Variants in CENPK observed in about 807,000 individuals in gnomAD.
CENPK encodes the protein SoxLZ/Sox6-binding protein Solt.
CENPK carries 46 observed loss-of-function variants against 40.9 expected under a neutral mutation model. The observed-to-expected ratio is 1.13, with a 90% CI of 0.89 to 1.44. CENPK has a LOEUF of 1.44. Among genes scored for constraint, CENPK ranks in the 40% most tolerant of loss-of-function variants. The pLI, the probability that CENPK is intolerant of heterozygous loss-of-function variation, is 0.00. For missense variants in CENPK, 288 were observed against 303.5 expected, an observed-to-expected ratio of 0.95 and a Z score of 0.38; for synonymous variants, 107 against 104.4, an observed-to-expected ratio of 1.02 and a Z score of -0.15.
chr5:65,558,155 C>G (rs780115428), intron 2 of CENPK, among the ~76,000 whole-genome samples: 2 of 151,976 alleles, frequency 1.3e-5, no homozygotes, highest in African/African-American at 2.4e-5. Context: ...AAAGAAAACA[C>G]ACACACACAC....
intron 2 of CENPK, among the ~76,000 whole-genome samples, chr5:65,556,326 T>C (rs1423613622): frequency 6.6e-6 from 1 of 152,048 alleles, no homozygotes; most frequent in South Asian, 2.1e-4. Flanking sequence ...ATTTTAAAAA[T>C]TAGCTGGGTG....
chr5:65,543,495 T>C (rs1186451554), intron 5 of CENPK, among the ~76,000 whole-genome samples: 5 of 152,210 alleles, frequency 3.3e-5, no homozygotes, highest in Admixed American at 6.5e-5. Flanking sequence ...TTTATCATCA[T>C]TGGTTTTACA....
the CENPK span, among the ~76,000 whole-genome samples, chr5:65,508,004 CAAT>C: frequency 2.0e-5 from 3 of 152,254 alleles, no homozygotes; most frequent in East Asian, 5.8e-4. Flanking sequence ...ACTACAGAAA[CAAT>C]GTTGTGTCTT....
intron 6 of CENPK, among the ~76,000 whole-genome samples, chr5:65,540,682 T>A (rs1165944309): frequency 6.6e-6 from 1 of 152,152 alleles, no homozygotes; most frequent in Admixed American, 6.6e-5. Flanking sequence ...TTTGGGGAGC[T>A]TCTAGATAGC....
At chr5:65,541,712 G>A (rs1320840456) in intron 6 of CENPK, among the ~76,000 whole-genome samples, 2 of 152,064 alleles carry the variant, frequency 1.3e-5, no homozygotes, top group Non-Finnish European at 2.9e-5. Context: ...CACCAGAATC[G>A]CCTTTAAAGG....
the CENPK span, among the ~76,000 whole-genome samples, chr5:65,502,578 T>C: frequency 1.0e-2 from 1,517 of 152,254 alleles, 10 homozygotes; most frequent in Non-Finnish European, 0.017. Flanking sequence ...TCAGGATATT[T>C]ATTCTCTAAC....
chr5:65,527,946 G>T (rs915681066), intron 9 of CENPK, among the ~76,000 whole-genome samples: 1 of 152,104 alleles, frequency 6.6e-6, no homozygotes, highest in Non-Finnish European at 1.5e-5. Context: ...AATATACTCT[G>T]GCTGGGCGCA....
the CENPK span, among the ~76,000 whole-genome samples, chr5:65,507,819 AATT>A: frequency 2.0e-5 from 3 of 152,306 alleles, no homozygotes; most frequent in East Asian, 5.8e-4. Flanking sequence ...CCTTACAAGT[AATT>A]ATTAATTCTT....
chr5:65,497,031 T>C, the CENPK span, among the ~76,000 whole-genome samples: 16 of 152,042 alleles, frequency 1.1e-4, no homozygotes, highest in Non-Finnish European at 2.1e-4. Flanking sequence ...CACTCCAGCC[T>C]GGGCGACAAG....
At chr5:65,514,230 C>CTTTTTTTTTTTTTTT (rs1183025827), downstream of CENPK, among the ~76,000 whole-genome samples, 7 of 62,760 alleles carry the variant, frequency 1.1e-4, no homozygotes, top group South Asian at 8.0e-4. Context: ...CTCACATAAT[C>CTTTTTTTTTTTTTTT]TTTTTTTTTT....
the CENPK span, among the ~76,000 whole-genome samples, chr5:65,507,131 G>T: frequency 1.2e-4 from 18 of 152,100 alleles, no homozygotes; most frequent in African/African-American, 4.3e-4. Flanking sequence ...GCCAGATTTG[G>T]CCATGGCAAG....
chr5:65,528,738 G>A (rs1048951812), intron 8 of CENPK, among the ~76,000 whole-genome samples, 160 bp from the exon 9 acceptor site: 1 of 152,062 alleles, frequency 6.6e-6, no homozygotes, highest in Non-Finnish European at 1.5e-5. Flanking sequence ...ATAACAAGTA[G>A]AGAAACCAAA....
chr5:65,513,375 C>T (rs983399777), downstream of CENPK, among the ~76,000 whole-genome samples: 2 of 152,052 alleles, frequency 1.3e-5, no homozygotes, highest in African/African-American at 2.4e-5. Flanking sequence ...TCAATGAATC[C>T]GTAAAGTTAG....
intron 8 of CENPK, 39 bp downstream of exon 8, chr5:65,528,879 AC>A (rs754480190): frequency 3.7e-5 from 46 of 1,232,922 alleles, no homozygotes; most frequent in Middle Eastern, 4.5e-4. Flanking sequence ...AAAATAAAAT[AC>A]TTTTCCTATT....
In CENPK at chr5:65,552,548, C is replaced by T. The variant is rs543487501; in HGVS notation, c.113G>A (p.Cys38Tyr). Reference sequence around the variant, plus strand: ...TCCAATAAGTGATAATTTATTCTGACACTTGATTTAAAAAGTAAAAAAAGG... The same window carrying T: ...TCCAATAAGTGATAATTTATTCTGATACTTGATTTAAAAAGTAAAAAAAGG... ...CEEMWKDMEECQNKLSLIGTE... is the reference protein window; with the variant it reads ...CEEMWKDMEEYQNKLSLIGTE... The change falls in exon 4 of 11, where the codon TGT becomes TAT. Residue 38 changes from cysteine (C) to tyrosine (Y), a missense_variant and splice_region_variant. Coordinates refer to ENST00000396679, the MANE Select transcript of CENPK (RefSeq NM_022145.5). The T allele has an allele frequency of 9.1e-6, 14 of 1,530,386 alleles. No homozygotes were observed. The highest frequency in any genetic ancestry group is 2.0e-5 in the Admixed American group (1 of 49,102). The allele number at this position is 1,530,386 out of a possible 1,614,324, so 94.8% of individuals were successfully genotyped here.
intron 3 of CENPK, among the ~76,000 whole-genome samples, chr5:65,553,232 C>T (rs960056542): frequency 4.6e-5 from 7 of 152,056 alleles, no homozygotes; most frequent in African/African-American, 1.7e-4. Flanking sequence ...AGTTCTGAAA[C>T]TTTACTGGGA....
intron 5 of CENPK, among the ~76,000 whole-genome samples, chr5:65,547,421 G>A (rs577035824): frequency 6.6e-6 from 1 of 151,396 alleles, no homozygotes; most frequent in South Asian, 2.1e-4. Flanking sequence ...TTGAGTATGA[G>A]CAGTTTTTGA....
intron 6 of CENPK, chr5:65,529,408 T>C: frequency 2.2e-6 from 1 of 452,866 alleles, no homozygotes; most frequent in Middle Eastern, 6.0e-4. Flanking sequence ...TACAAGAGGT[T>C]TTGAGCAGTA....
intron 5 of CENPK, among the ~76,000 whole-genome samples, chr5:65,544,765 A>C (rs1213875577): frequency 6.6e-6 from 1 of 152,160 alleles, no homozygotes; most frequent in African/African-American, 2.4e-5. Context: ...ACACTAACTA[A>C]AATAAGCCAC....
Sources: gnomAD v4.1 joint callset for allele counts (sites outside exome capture counted in the v4.1 genomes callset) on GRCh38, gnomAD v4.1.1 for gene constraint, MANE v1.5 for transcripts, NCBI Gene and HGNC (gene_info 2026-07-23, HGNC 2026-07-21) for gene names.